Variants in LTC4S observed in about 807,000 individuals in gnomAD.
LTC4S encodes LTC4 synthase.
In LTC4S, 18 loss-of-function variants were observed where a neutral mutation model predicts 19.6. The ratio of observed to expected loss-of-function variants is 0.92; its 90% CI spans 0.64 to 1.36. LTC4S has a LOEUF of 1.36. Ranked by LOEUF, LTC4S falls within the 40% of genes most tolerant of loss-of-function variation. LTC4S has a pLI of 0.00. For synonymous variants in LTC4S, 126 were observed against 110.1 expected (o/e 1.14, Z -0.91); for missense variants, 235 against 212.2 (o/e 1.11, Z -0.67).
chr5:179,796,284 C>T lies in LTC4S; in HGVS notation c.343C>T (p.Leu115Phe), dbSNP rs1463578866. Reference sequence around the variant, plus strand: ...ACCGCTGTACGCGAGCGCGCGCGCCCTCTGGCTGCTGGTGGCGCTGGCTGC... The same window carrying T: ...ACCGCTGTACGCGAGCGCGCGCGCCTTCTGGCTGCTGGTGGCGCTGGCTGC... ...LAPLYASARA[L>F]WLLVALAALG... Residue 115 changes from leucine (L) to phenylalanine (F), a missense_variant, in exon 5 of 5, where the codon CTC (leucine) becomes TTC (phenylalanine). Transcript: ENST00000292596. 1.4e-6 allele frequency: 2 copies of T among 1,471,568 alleles called. No homozygotes were observed. Among genetic ancestry groups the T allele is most frequent in the South Asian group, 1.3e-5 (1 of 77,586 alleles). The allele number at this position is 1,471,568 out of a possible 1,614,324, so 91.2% of individuals were successfully genotyped here. A position where few individuals can be genotyped will look rare whatever the true frequency, so the allele number is the denominator to read the frequency against.
chr5:179,796,035 C>T lies in LTC4S; in HGVS notation c.311+13C>T. 4 of 1,057,950 alleles carry T rather than the reference C, an allele frequency of 3.8e-6. No individual in the cohort carries two copies. The highest frequency in any genetic ancestry group is 5.0e-6 in the Non-Finnish European group (4 of 799,052). The allele number at this position is 1,057,950 out of a possible 1,614,324, so 65.5% of individuals were successfully genotyped here. ...CCGCGCAGCTCAGGTGAGGGCCGGG[C>T]GGGGAGCGGGGCGGGGCCGGGGAAA... is the stretch of plus-strand genomic sequence containing the variant. On this transcript the variant is annotated intron_variant, in intron 4 of 4. Coordinates refer to ENST00000292596, the MANE Select transcript of LTC4S (RefSeq NM_145867.2).
At chr5:179,794,204 A>G in intron 1 of LTC4S, 66 bp downstream of exon 1, 1 of 1,598,654 alleles carries the variant, frequency 6.3e-7, no homozygotes, top group Non-Finnish European at 8.6e-7. Context: ...TCTGCCCCCT[A>G]GGCCCAGGTG....
Position 179,796,445 on chromosome 5 carries a change from AGCTGCCCCGGGGAGGG to A in LTC4S, c.*54_*69del. 6.9e-7 allele frequency: 1 copy of A among 1,452,304 alleles called. No homozygotes were observed. Among genetic ancestry groups the A allele is most frequent in the Non-Finnish European group, 9.0e-7 (1 of 1,107,138 alleles). The allele number at this position is 1,452,304 out of a possible 1,614,324, so 90.0% of individuals were successfully genotyped here. On this transcript the variant is annotated 3_prime_UTR_variant, in exon 5 of 5. Coordinates refer to ENST00000292596, the MANE Select transcript of LTC4S (RefSeq NM_145867.2). ...CCGGGAAAGAAGAGCCGGAGCCTCC[AGCTGCCCCGGGGAGGG>A]GCGCTCGCTTCCGCATCCTAGTCTC...
rs984703093 is a variant in LTC4S, at chr5:179,796,261, C to A, written c.320C>A (p.Pro107Gln). The change falls in exon 5 of 5, where the codon CCG (proline) becomes CAG (glutamine). Residue 107 changes from proline (P) to glutamine (Q), a missense_variant. By Grantham distance (76) the Pro-to-Gln change is moderately conservative. Coordinates refer to ENST00000292596, the MANE Select transcript of LTC4S (RefSeq NM_145867.2). ...YARSAQLRLA[P>Q]LYASARALWL... is the part of the protein sequence containing the mutation. ...CTGACCGCCGCCCGCAGGCTGGCAC[C>A]GCTGTACGCGAGCGCGCGCGCCCTC... The A allele has an allele frequency of 6.8e-7, 1 of 1,465,378 alleles. No homozygotes were observed. Among genetic ancestry groups the A allele is most frequent in the South Asian group, 1.3e-5 (1 of 77,064 alleles). The allele number at this position is 1,465,378 out of a possible 1,614,324, so 90.8% of individuals were successfully genotyped here.
In LTC4S at chr5:179,796,250, C is replaced by T. The variant is rs1428024125; in HGVS notation, c.312-3C>T. On this transcript the variant is annotated splice_polypyrimidine_tract_variant and splice_region_variant and intron_variant, in intron 4 of 4. Transcript: ENST00000292596. ...CCACCTCCCCGCTGACCGCCGCCCGCAGGCTGGCACCGCTGTACGCGAGCG... is the reference window on the plus strand; with the variant it reads ...CCACCTCCCCGCTGACCGCCGCCCGTAGGCTGGCACCGCTGTACGCGAGCG... 4.1e-6 allele frequency: 6 copies of T among 1,451,792 alleles called. No individual in the cohort carries two copies. The highest frequency in any genetic ancestry group is 1.3e-5 in the South Asian group (1 of 75,292). The allele number at this position is 1,451,792 out of a possible 1,614,324, so 89.9% of individuals were successfully genotyped here. A position where few individuals can be genotyped will look rare whatever the true frequency, so the allele number is the denominator to read the frequency against.
rs778820943 is a variant in LTC4S at position 179,794,048 on chromosome 5, A to G, written c.-33A>G. ...GCTAAGCGTTCCCCAGCTCGCCTTCACACACAGCCCGTGCCACCACACCGA... is the reference window on the plus strand; with the variant it reads ...GCTAAGCGTTCCCCAGCTCGCCTTCGCACACAGCCCGTGCCACCACACCGA... On this transcript the variant is annotated 5_prime_UTR_variant, in exon 1 of 5. Coordinates refer to ENST00000292596, the MANE Select transcript of LTC4S (RefSeq NM_145867.2). The G allele has an allele frequency of 6.2e-7, 1 of 1,613,306 alleles. No homozygotes were observed. Among genetic ancestry groups the G allele is most frequent in the Non-Finnish European group, 8.5e-7 (1 of 1,179,866 alleles).
Position 179,795,921 on chromosome 5 carries a change from C to T in LTC4S, c.230-20C>T. On this transcript the variant is annotated intron_variant, in intron 3 of 4. Transcript: ENST00000292596. Reference sequence around the variant, plus strand: ...GGACCCGCGCAGGGCGCTCACCAGGCCCGTGCGTACCTCTCGCAGGGGCGG... The same window carrying T: ...GGACCCGCGCAGGGCGCTCACCAGGTCCGTGCGTACCTCTCGCAGGGGCGG... The T allele has an allele frequency of 6.3e-7, 1 of 1,578,084 alleles. No individual in the cohort carries two copies. The highest frequency in any genetic ancestry group is 8.6e-7 in the Non-Finnish European group (1 of 1,166,440).
chr5:179,795,122 A>T (rs1211449692), intron 1 of LTC4S, among the ~76,000 whole-genome samples: 2 of 152,176 alleles, frequency 1.3e-5, no homozygotes, highest in African/African-American at 4.8e-5. Flanking sequence ...GTGGGTGACC[A>T]GGGACTGTTA....
Position 179,794,021 on chromosome 5 carries a change from G to A in LTC4S, c.-60G>A, listed in dbSNP as rs543273391. The A allele has an allele frequency of 1.2e-6, 2 of 1,612,266 alleles. No homozygotes were observed. The highest frequency in any genetic ancestry group is 4.5e-5 in the East Asian group (2 of 44,818). ...TGGGCCGTCCTCTGAGCAGCAGACG[G>A]GGCTAAGCGTTCCCCAGCTCGCCTT... On this transcript the variant is annotated 5_prime_UTR_variant, in exon 1 of 5. Coordinates refer to ENST00000292596, the MANE Select transcript of LTC4S (RefSeq NM_145867.2).
chr5:179,794,121 T>C lies in LTC4S; in HGVS notation c.41T>C (p.Leu14Pro). The change falls in exon 1 of 5, where the codon CTG (leucine) becomes CCG (proline). Residue 14 changes from leucine to proline, a missense_variant. Transcript: ENST00000292596. ...EVALLAAVTL[L>P]GVLLQAYFSL... ...GCTCTACTGGCTGCTGTCACCCTCC[T>C]GGGAGTCCTGCTGCAAGGTGGGCTG... 5 of 1,613,502 alleles carry C rather than the reference T, an allele frequency of 3.1e-6. No individual in the cohort carries two copies. Among genetic ancestry groups the C allele is most frequent in the Non-Finnish European group, 4.2e-6 (5 of 1,179,954 alleles).
In LTC4S at chr5:179,796,285, T is replaced by C; in HGVS notation, c.344T>C (p.Leu115Pro). 1 of 1,471,442 alleles carries C rather than the reference T, an allele frequency of 6.8e-7. No individual in the cohort carries two copies. The highest frequency in any genetic ancestry group is 8.9e-7 in the Non-Finnish European group (1 of 1,117,876). 91.1% of individuals were successfully genotyped at this position (1,471,442 alleles called of 1,614,324 possible). The change falls in exon 5 of 5, where the codon CTC (leucine) becomes CCC (proline). Residue 115 changes from leucine to proline, a missense_variant. Transcript: ENST00000292596. ...LAPLYASARA[L>P]WLLVALAALG... ...CCGCTGTACGCGAGCGCGCGCGCCCTCTGGCTGCTGGTGGCGCTGGCTGCG... is the reference window on the plus strand; with the variant it reads ...CCGCTGTACGCGAGCGCGCGCGCCCCCTGGCTGCTGGTGGCGCTGGCTGCG...
At chr5:179,795,286 C>A in intron 1 of LTC4S, 2 of 973,598 alleles carry the variant, frequency 2.1e-6, no homozygotes, top group Non-Finnish European at 2.8e-6. Flanking sequence ...TGGTCTCTCT[C>A]GCGGAGCAGG....
intron 1 of LTC4S, 150 bp downstream of exon 1, chr5:179,794,288 C>G: frequency 2.0e-6 from 2 of 1,015,056 alleles, no homozygotes; most frequent in East Asian, 2.6e-5. Flanking sequence ...CTGGGGGGCA[C>G]CTGGCTGTGA....
At chr5:179,795,459 C>A in intron 1 of LTC4S, 125 bp from the exon 2 acceptor site, 1 of 1,105,664 alleles carries the variant, frequency 9.0e-7, no homozygotes. Context: ...GGGGAGGGGG[C>A]GGGGTTCCGC....
intron 1 of LTC4S, among the ~76,000 whole-genome samples, 195 bp downstream of exon 1, chr5:179,794,333 G>GAC (rs1204736902): frequency 1.3e-5 from 2 of 152,150 alleles, no homozygotes; most frequent in Non-Finnish European, 2.9e-5. Flanking sequence ...AGGGTGCCAG[G>GAC]ACAAATGGTA....
rs1484099118 is a variant in LTC4S at position 179,794,044 on chromosome 5, C to T, written c.-37C>T. 1 of 1,613,340 alleles carries T rather than the reference C, an allele frequency of 6.2e-7. No homozygotes were observed. Among genetic ancestry groups the T allele is most frequent in the Non-Finnish European group, 8.5e-7 (1 of 1,179,858 alleles). On this transcript the variant is annotated 5_prime_UTR_variant, in exon 1 of 5. Coordinates refer to ENST00000292596, the MANE Select transcript of LTC4S (RefSeq NM_145867.2). ...CGGGGCTAAGCGTTCCCCAGCTCGCCTTCACACACAGCCCGTGCCACCACA... is the reference window on the plus strand; with the variant it reads ...CGGGGCTAAGCGTTCCCCAGCTCGCTTTCACACACAGCCCGTGCCACCACA...
chr5:179,794,122 G>A lies in LTC4S; in HGVS notation c.42G>A (p.Leu14=). The A allele has an allele frequency of 6.2e-7, 1 of 1,613,508 alleles. No individual in the cohort carries two copies. Among genetic ancestry groups the A allele is most frequent in the South Asian group, 1.1e-5 (1 of 91,086 alleles). ...EVALLAAVTL[L]GVLLQAYFSL... ...CTCTACTGGCTGCTGTCACCCTCCTGGGAGTCCTGCTGCAAGGTGGGCTGG... is the reference window on the plus strand; with the variant it reads ...CTCTACTGGCTGCTGTCACCCTCCTAGGAGTCCTGCTGCAAGGTGGGCTGG... The change falls in exon 1 of 5, where the codon CTG becomes CTA. Residue 14 remains leucine, a synonymous_variant. Transcript: ENST00000292596.
At position 179,796,046 on chromosome 5, in the gene LTC4S, G is replaced by A. The variant is rs1244835749; in HGVS notation, c.311+24G>A. 8 of 1,503,404 alleles carry A rather than the reference G, an allele frequency of 5.3e-6. No homozygotes were observed. The South Asian group carries it at 9.9e-5, about 19-fold the overall frequency. The allele number at this position is 1,503,404 out of a possible 1,614,324, so 93.1% of individuals were successfully genotyped here. On this transcript the variant is annotated intron_variant, in intron 4 of 4. Coordinates refer to ENST00000292596, the MANE Select transcript of LTC4S (RefSeq NM_145867.2). ...AGGTGAGGGCCGGGCGGGGAGCGGG[G>A]CGGGGCCGGGGAAAGATCGCGGGCG...
In LTC4S at chr5:179,796,424, G is replaced by A. The variant is rs901171238; in HGVS notation, c.*30G>A. 4 of 1,473,684 alleles carry A rather than the reference G, an allele frequency of 2.7e-6. No individual in the cohort carries two copies. The highest frequency in any genetic ancestry group is 3.6e-6 in the Non-Finnish European group (4 of 1,117,436). The allele number at this position is 1,473,684 out of a possible 1,614,324, so 91.3% of individuals were successfully genotyped here. Reference sequence around the variant, plus strand: ...AAGGCCCCCGGGCCGACGGAGCCGGGAAAGAAGAGCCGGAGCCTCCAGCTG... The same window carrying A: ...AAGGCCCCCGGGCCGACGGAGCCGGAAAAGAAGAGCCGGAGCCTCCAGCTG... On this transcript the variant is annotated 3_prime_UTR_variant, in exon 5 of 5. Transcript: ENST00000292596.
Sources: gnomAD v4.1 joint callset for allele counts (sites outside exome capture counted in the v4.1 genomes callset) on GRCh38, gnomAD v4.1.1 for gene constraint, MANE v1.5 for transcripts, NCBI Gene and HGNC (gene_info 2026-07-23, HGNC 2026-07-21) for gene names.